Variants in PTPN12 observed in about 807,000 individuals in gnomAD.
PTPN12 encodes the protein tyrosine-protein phosphatase non-receptor type 12.
PTPN12 carries 29 observed loss-of-function variants against 97.6 expected under a neutral mutation model. The ratio of observed to expected loss-of-function variants is 0.30; its 90% CI spans 0.22 to 0.41. The LOEUF (loss-of-function observed/expected upper bound fraction) is 0.41. Ranked by LOEUF, PTPN12 falls within the 10% of genes least tolerant of loss-of-function variation. The probability of loss-of-function intolerance (pLI) is 1.00; values close to 1 mark genes in which losing one functional copy is unlikely to be tolerated. For missense variants in PTPN12, 819 were observed against 926.0 expected (o/e 0.88, Z 1.50); for synonymous variants, 327 against 300.4 (o/e 1.09, Z -0.91).
Position 77,611,168 on chromosome 7 carries a change from C to T in PTPN12, c.939+122C>T, listed in dbSNP as rs1000601181. On this transcript the variant is annotated intron_variant, in intron 11 of 17. Transcript: ENST00000248594. ...TGAGAAGAATATCCAGGACACTTAA[C>T]ATTTTTACTTAAACTCATTTCCTTC... 19 of 703,852 alleles carry T rather than the reference C, an allele frequency of 2.7e-5. No homozygotes were observed. In the African/African-American group the frequency reaches 3.0e-4, roughly 11 times the overall value. The allele number at this position is 703,852 out of a possible 1,614,324, so 43.6% of individuals were successfully genotyped here.
At chr7:77,600,638 T>C (rs1248645375) in intron 7 of PTPN12, 26 bp from the exon 8 acceptor site, 1 of 1,557,468 alleles carries the variant, frequency 6.4e-7, no homozygotes, top group East Asian at 2.3e-5. Context: ...ATTTTCATAA[T>C]TGTTGACTTT....
chr7:77,624,570 G>T (rs1789066153), intron 12 of PTPN12, among the ~76,000 whole-genome samples: 1 of 151,936 alleles, frequency 6.6e-6, no homozygotes, highest in South Asian at 2.1e-4. Flanking sequence ...TTCCTGAGTA[G>T]CTGGGATTAC....
chr7:77,605,409 G>GGTTTTTTTTTTTTTTTTTT lies in PTPN12; in HGVS notation c.696-1826_696-1825insGTTTTTTTTTTTTTTTTTT, dbSNP rs1554321255. Among the ~76,000 whole-genome samples, 39 of 95,540 alleles carry GGTTTTTTTTTTTTTTTTTT rather than the reference G, an allele frequency of 4.1e-4. 9 individuals carry two copies. The highest frequency in any genetic ancestry group is 7.0e-4 in the South Asian group (2 of 2,876). The allele number at this position is 95,540 out of a possible 152,430, so 62.7% of individuals were successfully genotyped here. A position where few individuals can be genotyped will look rare whatever the true frequency, so the allele number is the denominator to read the frequency against. ...TTACTTTAAAATACTTTTGTCATGA[G>GGTTTTTTTTTTTTTTTTTT]TTTTTTTTTTTTTTTTTTTTTTTTT... On this transcript the variant is annotated intron_variant, in intron 8 of 17. Transcript: ENST00000248594.
chr7:77,581,035 GTTTTTTT>G (rs1787498599), intron 2 of PTPN12, among the ~76,000 whole-genome samples: 1 of 141,092 alleles, frequency 7.1e-6, no homozygotes, highest in Admixed American at 7.7e-5. Flanking sequence ...TGGTGGTGGT[GTTTTTTT>G]GTTTTGTTTT....
chr7:77,551,709 CATAA>C (rs1807487829), intron 1 of PTPN12, among the ~76,000 whole-genome samples: 1 of 152,142 alleles, frequency 6.6e-6, no homozygotes, highest in Admixed American at 6.5e-5. Flanking sequence ...CAAGCTTTGC[CATAA>C]ATTTGATGTT....
At chr7:77,599,425 G>T (rs1490333521) in intron 7 of PTPN12, among the ~76,000 whole-genome samples, 1 of 150,016 alleles carries the variant, frequency 6.7e-6, no homozygotes, top group Non-Finnish European at 1.5e-5. Flanking sequence ...TAGTATCTGA[G>T]ACTATAGGGA....
chr7:77,576,363 T>C (rs1459137676), intron 2 of PTPN12, among the ~76,000 whole-genome samples: 1 of 152,192 alleles, frequency 6.6e-6, no homozygotes, highest in African/African-American at 2.4e-5. Context: ...ATAATTGTTT[T>C]CATTTTTTTG....
intron 1 of PTPN12, among the ~76,000 whole-genome samples, chr7:77,538,511 A>G (rs1010910782): frequency 1.3e-5 from 2 of 151,956 alleles, no homozygotes; most frequent in Non-Finnish European, 2.9e-5. Flanking sequence ...GAAGCCCTGA[A>G]CTGGGAGATA....
intron 1 of PTPN12, among the ~76,000 whole-genome samples, chr7:77,540,529 C>G (rs1003810815): frequency 6.6e-6 from 1 of 152,016 alleles, no homozygotes; most frequent in African/African-American, 2.4e-5. Flanking sequence ...CAGGCATGAG[C>G]CACCGAGAGT....
At chr7:77,574,418 CAG>C (rs549052443) in intron 2 of PTPN12, among the ~76,000 whole-genome samples, 11 of 152,272 alleles carry the variant, frequency 7.2e-5, no homozygotes, top group East Asian at 1.9e-4. Flanking sequence ...GAAACTGAGA[CAG>C]AGAGGTTAAA....
chr7:77,583,506 A>T (rs1023739508), intron 3 of PTPN12, 49 bp from the exon 4 acceptor site: 1 of 1,177,500 alleles, frequency 8.5e-7, no homozygotes, highest in Non-Finnish European at 1.2e-6. Flanking sequence ...GTAATGAAAT[A>T]TTTTTGGTAA....
Position 77,585,469 on chromosome 7 carries a change from C to T in PTPN12, c.382-74C>T. The stretch of plus-strand genomic sequence containing the variant: ...CTTCTCGGTGCAAAATTCTTGAAAT[C>T]TGTATTTTATTAAAAAGTAAAATTG... On this transcript the variant is annotated intron_variant, in intron 4 of 17. Coordinates refer to ENST00000248594, the MANE Select transcript of PTPN12 (RefSeq NM_002835.4). 2.2e-6 allele frequency: 3 copies of T among 1,333,672 alleles called. No individual in the cohort carries two copies. The South Asian group carries it at 3.8e-5, about 17-fold the overall frequency. 82.6% of individuals were successfully genotyped at this position (1,333,672 alleles called of 1,614,324 possible).
At position 77,597,040 on chromosome 7, in the gene PTPN12, C is replaced by A. The variant is rs1414412108; in HGVS notation, c.493-802C>A. 3.3e-5 allele frequency among the ~76,000 whole-genome samples: 5 copies of A among 152,284 alleles called. No individual in the cohort carries two copies. In the East Asian group the frequency reaches 9.6e-4, roughly 29 times the overall value. ...GTGCTCCACCTATTCATTCATCTCA[C>A]CCCCTTCCCAACCCTAGGTAGTCAT... is the stretch of plus-strand genomic sequence containing the variant. On this transcript the variant is annotated intron_variant, in intron 6 of 17. Coordinates refer to ENST00000248594, the MANE Select transcript of PTPN12 (RefSeq NM_002835.4).
chr7:77,538,404 G>T (rs936061558), intron 1 of PTPN12, among the ~76,000 whole-genome samples: 1 of 150,770 alleles, frequency 6.6e-6, no homozygotes, highest in Non-Finnish European at 1.5e-5. Context: ...GGATATTGCC[G>T]AAGGCGGAGG....
intron 1 of PTPN12, among the ~76,000 whole-genome samples, chr7:77,564,849 A>C (rs2151312167): frequency 7.4e-6 from 1 of 135,472 alleles, no homozygotes; most frequent in African/African-American, 2.8e-5. Context: ...CCTCCGCCTT[A>C]CTGGTTTAAG....
intron 4 of PTPN12, among the ~76,000 whole-genome samples, chr7:77,584,385 A>G (rs1028481553): frequency 1.3e-5 from 2 of 152,166 alleles, no homozygotes; most frequent in Non-Finnish European, 2.9e-5. Flanking sequence ...TCACTTTAAA[A>G]ACTAGATGTG....
chr7:77,637,865 A>AAAC (rs1427362277), intron 16 of PTPN12, among the ~76,000 whole-genome samples: 3 of 151,104 alleles, frequency 2.0e-5, no homozygotes, highest in Admixed American at 6.6e-5. Flanking sequence ...CTCAAAAAAA[A>AAAC]AAAAAAAAAA....
chr7:77,586,299 T>C (rs1156801973), intron 5 of PTPN12, among the ~76,000 whole-genome samples: 2 of 152,236 alleles, frequency 1.3e-5, no homozygotes, highest in Admixed American at 1.3e-4. Flanking sequence ...AAAATGTTAA[T>C]GATCATCTGA....
At chr7:77,559,153 T>C (rs1374506423) in intron 1 of PTPN12, among the ~76,000 whole-genome samples, 1 of 152,258 alleles carries the variant, frequency 6.6e-6, no homozygotes, top group African/African-American at 2.4e-5. Context: ...TTATTTCTAA[T>C]GCGCTTCCCT....
Sources: allele counts gnomAD v4.1 joint callset (sites outside exome capture counted in the v4.1 genomes callset), GRCh38; gene constraint gnomAD v4.1.1; transcripts MANE v1.5; gene names NCBI Gene and HGNC (gene_info 2026-07-23, HGNC 2026-07-21).